The following RBPMS variants were observed in gnomAD, a reference collection of about 807,000 sequenced individuals.
RBPMS encodes the protein RNA-binding protein with multiple splicing.
A neutral mutation model predicts 26.8 loss-of-function variants in RBPMS; 7 were observed. That is an observed-to-expected ratio of 0.26 (90% CI 0.15 to 0.49). The LOEUF (loss-of-function observed/expected upper bound fraction) is 0.49. RBPMS is among the 20% of genes least tolerant of loss of function. RBPMS has a pLI of 0.98. For synonymous variants in RBPMS, 96 were observed against 93.3 expected (o/e 1.03, Z -0.17); for missense variants, 186 against 250.0 (o/e 0.74, Z 1.73).
chr8:30,470,480 T>C (rs991864685), intron 1 of RBPMS, among the ~76,000 whole-genome samples: 1 of 152,234 alleles, frequency 6.6e-6, no homozygotes, highest in Non-Finnish European at 1.5e-5. Context: ...TTCGTGATTT[T>C]TTAAAACTTG....
intron 4 of RBPMS, among the ~76,000 whole-genome samples, chr8:30,480,306 G>C (rs1585609150): frequency 6.6e-6 from 1 of 152,184 alleles, no homozygotes; most frequent in Non-Finnish European, 1.5e-5. Flanking sequence ...TGTTGCTGTG[G>C]TACCTGCAGG....
At chr8:30,526,880 C>T (rs1171561442) in intron 5 of RBPMS, among the ~76,000 whole-genome samples, 1 of 152,104 alleles carries the variant, frequency 6.6e-6, no homozygotes, top group Non-Finnish European at 1.5e-5. Context: ...AAGAACTCAG[C>T]AACAGATTTT....
intron 2 of RBPMS, among the ~76,000 whole-genome samples, chr8:30,476,304 C>T (rs987814031): frequency 6.6e-6 from 1 of 152,232 alleles, no homozygotes. Context: ...CTGTTCTGAA[C>T]TATTATGTTA....
At chr8:30,482,608 A>G (rs1414619075) in intron 4 of RBPMS, among the ~76,000 whole-genome samples, 2 of 152,238 alleles carry the variant, frequency 1.3e-5, no homozygotes, top group Non-Finnish European at 2.9e-5. Context: ...AACTTTTATC[A>G]GGGAATTAAA....
At chr8:30,473,318 C>T (rs1817341594) in intron 1 of RBPMS, among the ~76,000 whole-genome samples, 1 of 152,182 alleles carries the variant, frequency 6.6e-6, no homozygotes, top group South Asian at 2.1e-4. Context: ...AAATGCCCAT[C>T]CTTTCGATTC....
intron 1 of RBPMS, among the ~76,000 whole-genome samples, chr8:30,459,261 G>T (rs1164496342): frequency 6.6e-6 from 1 of 151,632 alleles, no homozygotes; most frequent in Non-Finnish European, 1.5e-5. Flanking sequence ...TGCCCCCAGT[G>T]GTTTTTTTTG....
intron 6 of RBPMS, among the ~76,000 whole-genome samples, chr8:30,554,941 C>A (rs995589239): frequency 5.3e-5 from 8 of 152,178 alleles, no homozygotes; most frequent in African/African-American, 1.9e-4. Context: ...CTGTGCCAGT[C>A]ACTCACCACT....
At chr8:30,455,772 C>T (rs969138930) in intron 1 of RBPMS, among the ~76,000 whole-genome samples, 1 of 152,024 alleles carries the variant, frequency 6.6e-6, no homozygotes, top group South Asian at 2.1e-4. Flanking sequence ...CGCCTGTAGT[C>T]GCAACTACTC....
At chr8:30,425,890 C>G (rs1238464621) in intron 1 of RBPMS, among the ~76,000 whole-genome samples, 1 of 152,164 alleles carries the variant, frequency 6.6e-6, no homozygotes, top group African/African-American at 2.4e-5. Context: ...GGGAAATTAA[C>G]TTGCCTGAGG....
intron 1 of RBPMS, among the ~76,000 whole-genome samples, chr8:30,418,992 C>G (rs1442473680): frequency 6.6e-6 from 1 of 150,630 alleles, no homozygotes; most frequent in South Asian, 2.1e-4. Context: ...TTTTGCTTGT[C>G]CTTTTAAAGA....
At chr8:30,460,314 G>A (rs1278693070) in intron 1 of RBPMS, among the ~76,000 whole-genome samples, 3 of 152,188 alleles carry the variant, frequency 2.0e-5, no homozygotes, top group Non-Finnish European at 4.4e-5. Flanking sequence ...ACTAGTTTGC[G>A]AATTAGAGAA....
chr8:30,507,237 C>T (rs1821164587), intron 5 of RBPMS, among the ~76,000 whole-genome samples: 1 of 152,070 alleles, frequency 6.6e-6, no homozygotes, highest in South Asian at 2.1e-4. Context: ...GCTTTGTGAC[C>T]TTTAAGAGAA....
chr8:30,539,829 T>C (rs1486829437), intron 5 of RBPMS, among the ~76,000 whole-genome samples: 2 of 152,130 alleles, frequency 1.3e-5, no homozygotes, highest in African/African-American at 4.8e-5. Flanking sequence ...TTTTCCCATG[T>C]TGGCCAAGCT....
At position 30,464,700 on chromosome 8, in the gene RBPMS, T is replaced by G. The variant is rs1816308101; in HGVS notation, c.67-10079T>G. 3.9e-5 allele frequency among the ~76,000 whole-genome samples: 6 copies of G among 152,354 alleles called. No individual in the cohort carries two copies. In the South Asian group the frequency reaches 1.0e-3, roughly 26 times the overall value. The stretch of plus-strand genomic sequence containing the variant: ...GGTAGTTTGAGAGATGTGAAATGAC[T>G]TGTTTCTTTGAACAAATCTGTTTTG... On this transcript the variant is annotated intron_variant, in intron 1 of 8. Transcript: ENST00000397323.
chr8:30,521,454 C>T (rs1217274153), intron 5 of RBPMS, among the ~76,000 whole-genome samples: 1 of 152,222 alleles, frequency 6.6e-6, no homozygotes, highest in East Asian at 1.9e-4. Context: ...TTTCGTTGTA[C>T]GTTTATGAAG....
At chr8:30,441,314 G>C (rs1215860107) in intron 1 of RBPMS, among the ~76,000 whole-genome samples, 1 of 152,162 alleles carries the variant, frequency 6.6e-6, no homozygotes, top group Non-Finnish European at 1.5e-5. Context: ...CTGGTGCAGT[G>C]TATCATTGTT....
chr8:30,547,153 A>G (rs948612955), intron 6 of RBPMS: 2 of 656,914 alleles, frequency 3.0e-6, no homozygotes. Context: ...TGGAGCCTCT[A>G]CGGGGCATCT....
rs554620176 is a variant in RBPMS, at chr8:30,485,987, A to G, written c.246+6610A>G. On this transcript the variant is annotated intron_variant, in intron 4 of 8. Coordinates refer to ENST00000397323, the MANE Select transcript of RBPMS (RefSeq NM_001008710.3). The stretch of plus-strand genomic sequence containing the variant: ...TAAGTAGTCTTCAGTCTTTGCCTGA[A>G]GAAGAGTAAGTTGGTTATTTGAATT... Among the ~76,000 whole-genome samples, 89 of 152,346 alleles carry G rather than the reference A, an allele frequency of 5.8e-4. 1 individual carries two copies. Among genetic ancestry groups the G allele is most frequent in the African/African-American group, 2.0e-3 (84 of 41,588 alleles).
intron 4 of RBPMS, among the ~76,000 whole-genome samples, chr8:30,492,564 C>G (rs529950083): frequency 1.3e-5 from 2 of 152,080 alleles, no homozygotes; most frequent in Admixed American, 1.3e-4. Context: ...AAGTTTAATC[C>G]TGGGTTTTGT....
Sources: allele counts gnomAD v4.1 joint callset (sites outside exome capture counted in the v4.1 genomes callset), GRCh38; gene constraint gnomAD v4.1.1; transcripts MANE v1.5; gene names NCBI Gene and HGNC (gene_info 2026-07-23, HGNC 2026-07-21).